The following TTYH1 variants were observed in gnomAD, a reference collection of about 807,000 sequenced individuals.
TTYH1 encodes tweety family member 1.
In TTYH1, 33 loss-of-function variants were observed where a neutral mutation model predicts 61.2. The ratio of observed to expected loss-of-function variants is 0.54; its 90% CI spans 0.41 to 0.72. The LOEUF is 0.72. Ranked by LOEUF, TTYH1 falls within the 30% of genes least tolerant of loss-of-function variation. The pLI, the probability that TTYH1 is intolerant of heterozygous loss-of-function variation, is 0.00. For missense variants in TTYH1, 538 were observed against 575.8 expected, an observed-to-expected ratio of 0.93 and a Z score of 0.67; for synonymous variants, 308 against 266.4, an observed-to-expected ratio of 1.16 and a Z score of -1.52.
At position 54,419,195 on chromosome 19, in the gene TTYH1, A is replaced by G. The variant is rs759465020; in HGVS notation, c.194A>G (p.Tyr65Cys). The change falls in exon 2 of 14, where the codon TAC becomes TGC. Residue 65 changes from tyrosine (Y) to cysteine (C), a missense_variant. Coordinates refer to ENST00000376530, the MANE Select transcript of TTYH1 (RefSeq NM_020659.4). This position sits in a 1 kb window ranked among gnomAD's most constrained non-coding sequence, Gnocchi z 6.1. ...CTGAGCCTCATTTTCATCGCTGTCT[A>G]CCTCATCCGCTTCTGCTGCTGCCGG... ...LGLSLIFIAV[Y>C]LIRFCCCRPP... 9.3e-6 allele frequency: 15 copies of G among 1,612,226 alleles called. No homozygotes were observed. In the Admixed American group the frequency reaches 1.8e-4, roughly 20 times the overall value.
chr19:54,427,012 G>A (rs1341839955), intron 5 of TTYH1, among the ~76,000 whole-genome samples: 5 of 151,960 alleles, frequency 3.3e-5, no homozygotes, highest in African/African-American at 1.2e-4. Flanking sequence ...TAAAGATGAG[G>A]ATGAGGCCAG....
Position 54,416,978 on chromosome 19 carries a change from G to A in TTYH1, c.126+1300G>A. The A allele has an allele frequency of 4.9e-6, 6 of 1,214,834 alleles. No individual in the cohort carries two copies. The South Asian group carries it at 8.6e-5, about 17-fold the overall frequency. 75.3% of individuals were successfully genotyped at this position (1,214,834 alleles called of 1,614,324 possible). ...CCCCACGGTCGGGGGTCAGGGTCAG[G>A]GTGGCAGGGATGCGCGGGCAGAGCC... On this transcript the variant is annotated intron_variant, in intron 1 of 13. Coordinates refer to ENST00000376530, the MANE Select transcript of TTYH1 (RefSeq NM_020659.4). This position sits in a 1 kb window ranked among gnomAD's most constrained non-coding sequence, Gnocchi z 7.0.
At position 54,415,734 on chromosome 19, in the gene TTYH1, C is replaced by T; in HGVS notation, c.126+56C>T. On this transcript the variant is annotated intron_variant, in intron 1 of 13. Coordinates refer to ENST00000376530, the MANE Select transcript of TTYH1 (RefSeq NM_020659.4). This position sits in a 1 kb window ranked among gnomAD's most constrained non-coding sequence, Gnocchi z 5.2. ...GGGCTGGGGGCCGGAGCTCCTGGGT[C>T]CCGAGGGAGAAGGGGGCTGGGTCAC... 1 of 1,440,416 alleles carries T rather than the reference C, an allele frequency of 6.9e-7. No homozygotes were observed. The highest frequency in any genetic ancestry group is 9.2e-7 in the Non-Finnish European group (1 of 1,090,052). The allele number at this position is 1,440,416 out of a possible 1,614,324, so 89.2% of individuals were successfully genotyped here. A position where few individuals can be genotyped will look rare whatever the true frequency, so the allele number is the denominator to read the frequency against.
intron 4 of TTYH1, among the ~76,000 whole-genome samples, chr19:54,422,928 CAAAAAAAAAA>C (rs573699988): frequency 5.9e-5 from 5 of 85,370 alleles, no homozygotes; most frequent in Admixed American, 3.4e-4. Context: ...GACTCCATCT[CAAAAAAAAAA>C]AAAAAAAAAA....
Position 54,430,990 on chromosome 19 carries a change from C to T in TTYH1, c.1032+85C>T, listed in dbSNP as rs1599912514. The stretch of plus-strand genomic sequence containing the variant: ...ATGGAGCTGTGGGGCGTAGGCGGGG[C>T]TGCAGAGCTAGGCGGGGCCTTGGGT... On this transcript the variant is annotated intron_variant, in intron 9 of 13. Coordinates refer to ENST00000376530, the MANE Select transcript of TTYH1 (RefSeq NM_020659.4). 2.0e-6 allele frequency: 3 copies of T among 1,499,376 alleles called. No homozygotes were observed. The Admixed American group carries it at 5.1e-5, about 26-fold the overall frequency. The allele number at this position is 1,499,376 out of a possible 1,614,324, so 92.9% of individuals were successfully genotyped here.
In TTYH1 at chr19:54,415,491, G is replaced by A; in HGVS notation, c.-62G>A. ...CCAGACCCCGCGCCGCCCGCGCCCC[G>A]CTCGACTCCGGAGGCTCCCGCAGCC... On this transcript the variant is annotated 5_prime_UTR_variant, in exon 1 of 14. Coordinates refer to ENST00000376530, the MANE Select transcript of TTYH1 (RefSeq NM_020659.4). The surrounding 1 kb of genome is among the most constrained non-coding windows in gnomAD (Gnocchi z 5.2). 3.7e-6 allele frequency: 4 copies of A among 1,088,554 alleles called. No individual in the cohort carries two copies. The highest frequency in any genetic ancestry group is 3.3e-6 in the Non-Finnish European group (3 of 897,788). 67.4% of individuals were successfully genotyped at this position (1,088,554 alleles called of 1,614,324 possible).
rs1198227926 is a variant in TTYH1 at position 54,419,380 on chromosome 19, T to C, written c.305+74T>C. Reference sequence around the variant, plus strand: ...CTCTTTGCTGGCCTTCCTGGGGGTGTCCTCCGGGGACATGGAGGAAGCAGA... The same window carrying C: ...CTCTTTGCTGGCCTTCCTGGGGGTGCCCTCCGGGGACATGGAGGAAGCAGA... On this transcript the variant is annotated intron_variant, in intron 2 of 13. Coordinates refer to ENST00000376530, the MANE Select transcript of TTYH1 (RefSeq NM_020659.4). This position sits in a 1 kb window ranked among gnomAD's most constrained non-coding sequence, Gnocchi z 6.1. 1 of 1,451,278 alleles carries C rather than the reference T, an allele frequency of 6.9e-7. No homozygotes were observed. Among genetic ancestry groups the C allele is most frequent in the African/African-American group, 1.4e-5 (1 of 72,020 alleles). The allele number at this position is 1,451,278 out of a possible 1,614,324, so 89.9% of individuals were successfully genotyped here.
rs1235931654 is a variant in TTYH1 at position 54,436,433 on chromosome 19, C to T, written c.*143C>T. On this transcript the variant is annotated 3_prime_UTR_variant, in exon 14 of 14. Transcript: ENST00000376530. This position sits in a 1 kb window ranked among gnomAD's most constrained non-coding sequence, Gnocchi z 4.3. ...GGACAGCCTGCACAGGACCGCCTCCCTGCTCTTGGCCACTGTGCTCCCATT... is the reference window on the plus strand; with the variant it reads ...GGACAGCCTGCACAGGACCGCCTCCTTGCTCTTGGCCACTGTGCTCCCATT... 4 of 1,573,362 alleles carry T rather than the reference C, an allele frequency of 2.5e-6. No homozygotes were observed. Among genetic ancestry groups the T allele is most frequent in the Non-Finnish European group, 3.5e-6 (4 of 1,143,674 alleles).
At chr19:54,430,763 C>T (rs1342894385) in intron 8 of TTYH1, 50 bp from the exon 9 acceptor site, 27 of 1,593,120 alleles carry the variant, frequency 1.7e-5, no homozygotes, top group Non-Finnish European at 2.3e-5. Context: ...GGAGAGAGGG[C>T]CGGGGGCGTA....
In TTYH1 at chr19:54,431,198, C is replaced by A; in HGVS notation, c.1125+7C>A. On this transcript the variant is annotated splice_region_variant and intron_variant, in intron 10 of 13. Coordinates refer to ENST00000376530, the MANE Select transcript of TTYH1 (RefSeq NM_020659.4). Reference sequence around the variant, plus strand: ...CTGCCGCAGCCTGCACAAGGTGAAGCCCCTCCCCTCCCAATTTCTTCTCCC... The same window carrying A: ...CTGCCGCAGCCTGCACAAGGTGAAGACCCTCCCCTCCCAATTTCTTCTCCC... The A allele has an allele frequency of 6.2e-7, 1 of 1,605,560 alleles. No homozygotes were observed. The highest frequency in any genetic ancestry group is 2.2e-5 in the East Asian group (1 of 44,814).
Position 54,436,024 on chromosome 19 carries a change from C to T in TTYH1, c.1315-67C>T. ...GGTCTGAGGGAGGAGGGGCTGGGGTCCCACAGTACAAAGCCAATTCCCACT... is the reference window on the plus strand; with the variant it reads ...GGTCTGAGGGAGGAGGGGCTGGGGTTCCACAGTACAAAGCCAATTCCCACT... On this transcript the variant is annotated intron_variant, in intron 12 of 13. Transcript: ENST00000376530. The surrounding 1 kb of genome is among the most constrained non-coding windows in gnomAD (Gnocchi z 4.3). The T allele has an allele frequency of 1.1e-5, 17 of 1,586,180 alleles. No homozygotes were observed. The South Asian group carries it at 1.7e-4, about 15-fold the overall frequency.
intron 4 of TTYH1, among the ~76,000 whole-genome samples, chr19:54,423,673 T>A (rs553256827): frequency 9.2e-5 from 14 of 152,148 alleles, no homozygotes; most frequent in Admixed American, 3.9e-4. Flanking sequence ...TGAGTTGGCA[T>A]CTGAGTGCTG....
chr19:54,428,423 G>A (rs925311354), intron 5 of TTYH1, among the ~76,000 whole-genome samples: 1 of 151,904 alleles, frequency 6.6e-6, no homozygotes, highest in African/African-American at 2.4e-5. Flanking sequence ...ATGGAGTCTT[G>A]CTATGTTGCC....
intron 7 of TTYH1, 127 bp downstream of exon 7, chr19:54,430,084 C>T (rs2083404124): frequency 2.5e-6 from 2 of 804,416 alleles, no homozygotes; most frequent in Admixed American, 2.7e-5. Flanking sequence ...GAGACCCAGC[C>T]CTCTGGAAGG....
Position 54,420,453 on chromosome 19 carries a change from CTG to C in TTYH1, c.306-823_306-822del, listed in dbSNP as rs1251278579. 6.6e-6 allele frequency among the ~76,000 whole-genome samples: 1 copy of C among 151,932 alleles called. No homozygotes were observed. Among genetic ancestry groups the C allele is most frequent in the Non-Finnish European group, 1.5e-5 (1 of 67,940 alleles). ...GACTCTGAACAATGGGGCGGGGACA[CTG>C]GGCGTCCGACCCGAGGGATGGGGGT... On this transcript the variant is annotated intron_variant, in intron 2 of 13. Transcript: ENST00000376530. The surrounding 1 kb of genome is among the most constrained non-coding windows in gnomAD (Gnocchi z 4.8).
rs528500961 is a variant in TTYH1 at position 54,420,261 on chromosome 19, G to A, written c.305+955G>A. Among the ~76,000 whole-genome samples the A allele has an allele frequency of 9.2e-5, 14 of 152,226 alleles. No homozygotes were observed. Among genetic ancestry groups the A allele is most frequent in the East Asian group, 3.9e-4 (2 of 5,172 alleles). On this transcript the variant is annotated intron_variant, in intron 2 of 13. Coordinates refer to ENST00000376530, the MANE Select transcript of TTYH1 (RefSeq NM_020659.4). This position sits in a 1 kb window ranked among gnomAD's most constrained non-coding sequence, Gnocchi z 4.8. Reference sequence around the variant, plus strand: ...TCCCAGAGGGCCAGACGCCTGCCCCGGACCCACAGCGGGCAAGGGGAGGGA... The same window carrying A: ...TCCCAGAGGGCCAGACGCCTGCCCCAGACCCACAGCGGGCAAGGGGAGGGA...
At chr19:54,425,927 G>A (rs1768129490) in intron 4 of TTYH1, among the ~76,000 whole-genome samples, 1 of 151,890 alleles carries the variant, frequency 6.6e-6, no homozygotes, top group South Asian at 2.1e-4. Context: ...TGTTGGCCAG[G>A]CTGGTCTCAA....
In TTYH1 at chr19:54,422,216, C is replaced by A. The variant is rs767648405; in HGVS notation, c.444C>A (p.Gly148=). 2 of 1,564,342 alleles carry A rather than the reference C, an allele frequency of 1.3e-6. No individual in the cohort carries two copies. Among genetic ancestry groups the A allele is most frequent in the Non-Finnish European group, 8.7e-7 (1 of 1,155,002 alleles). The change falls in exon 4 of 14, where the codon GGC becomes GGA. Residue 148 remains glycine, a synonymous_variant. Coordinates refer to ENST00000376530, the MANE Select transcript of TTYH1 (RefSeq NM_020659.4). The part of the protein sequence containing the change: ...HLVLETVERL[G]EAVRTELTTL... ...TGTTGGAGACGGTGGAGAGGCTGGG[C>A]GAGGCGGTGAGGACAGAGCTGACCA...
Position 54,416,893 on chromosome 19 carries a change from G to A in TTYH1, c.126+1215G>A. The A allele has an allele frequency of 1.6e-6, 2 of 1,287,500 alleles. No individual in the cohort carries two copies. The highest frequency in any genetic ancestry group is 2.5e-5 in the South Asian group (2 of 80,700). The allele number at this position is 1,287,500 out of a possible 1,614,324, so 79.8% of individuals were successfully genotyped here. On this transcript the variant is annotated intron_variant, in intron 1 of 13. Coordinates refer to ENST00000376530, the MANE Select transcript of TTYH1 (RefSeq NM_020659.4). This position sits in a 1 kb window ranked among gnomAD's most constrained non-coding sequence, Gnocchi z 7.0. ...GCCCGGAGACCTCCCGAAGCCGCAC[G>A]CGGGGATCCGCGGCCCCAGTCACCG...
Sources: gnomAD v4.1 joint callset for allele counts (sites outside exome capture counted in the v4.1 genomes callset) on GRCh38, gnomAD v4.1.1 for gene constraint, Gnocchi (gnomAD v3.1) non-coding constraint, MANE v1.5 for transcripts, NCBI Gene and HGNC (gene_info 2026-07-23, HGNC 2026-07-21) for gene names.